PKIB: variants seen among roughly 807,000 people sequenced by gnomAD.
The protein encoded by PKIB is PKI-beta.
PKIB carries 2 observed loss-of-function variants against 4.5 expected under a neutral mutation model. That is an observed-to-expected ratio of 0.44 (90% confidence interval 0.18 to 1.39). PKIB has a LOEUF of 1.39. PKIB is among the 40% of genes most tolerant of loss of function. The probability of loss-of-function intolerance (pLI) is 0.27; values close to 1 mark genes in which losing one functional copy is unlikely to be tolerated. For missense variants in PKIB, 94 were observed against 92.6 expected, an observed-to-expected ratio of 1.02 and a Z score of -0.06; for synonymous variants, 38 against 36.0, an observed-to-expected ratio of 1.06 and a Z score of -0.20.
intron 4 of PKIB, among the ~76,000 whole-genome samples, chr6:122,720,231 G>A (rs1425271407): frequency 6.6e-6 from 1 of 151,982 alleles, no homozygotes; most frequent in African/African-American, 2.4e-5. Context: ...GGAAATCTAG[G>A]ATTTCAAGTG....
At chr6:122,701,558 T>C (rs1778813667) in intron 3 of PKIB, 1 of 1,566,024 alleles carries the variant, frequency 6.4e-7, no homozygotes, top group African/African-American at 1.4e-5. Flanking sequence ...TTAAAAGAGA[T>C]GGCATAACAG....
At chr6:122,489,115 A>G (rs572046750) in intron 2 of PKIB, among the ~76,000 whole-genome samples, 215 of 152,282 alleles carry the variant, frequency 1.4e-3, no homozygotes, top group African/African-American at 4.9e-3. Flanking sequence ...CCTTGGTCCT[A>G]AAGTTTCTAC....
At chr6:122,506,341 A>G (rs1391623670) in intron 2 of PKIB, among the ~76,000 whole-genome samples, 3 of 152,216 alleles carry the variant, frequency 2.0e-5, no homozygotes, top group Non-Finnish European at 4.4e-5. Context: ...AAACTGATAC[A>G]CAAATTGAAG....
chr6:122,522,500 T>A (rs1319764387), intron 2 of PKIB, among the ~76,000 whole-genome samples: 2 of 152,160 alleles, frequency 1.3e-5, no homozygotes, highest in East Asian at 3.8e-4. Flanking sequence ...AGTGTCTCAG[T>A]GTCTGCCCAA....
chr6:122,677,614 A>G (rs969956409), intron 3 of PKIB, among the ~76,000 whole-genome samples: 1 of 152,160 alleles, frequency 6.6e-6, no homozygotes, highest in African/African-American at 2.4e-5. Flanking sequence ...CAAGCCCATA[A>G]ATTTCAGATT....
At chr6:122,666,660 A>C (rs1777230805) in intron 2 of PKIB, among the ~76,000 whole-genome samples, 1 of 152,226 alleles carries the variant, frequency 6.6e-6, no homozygotes, top group Non-Finnish European at 1.5e-5. Flanking sequence ...CAAGGTAGGG[A>C]GTGAACATCT....
rs565254484 is a variant in PKIB, at chr6:122,694,634, G to A, written c.-9+19490G>A. Among the ~76,000 whole-genome samples, 6 of 152,204 alleles carry A rather than the reference G, an allele frequency of 3.9e-5. No homozygotes were observed. The East Asian group carries it at 1.2e-3, about 29-fold the overall frequency. On this transcript the variant is annotated intron_variant, in intron 3 of 4. Coordinates refer to ENST00000368452, the MANE Select transcript of PKIB (RefSeq NM_181795.3). ...TTGTGGAGTGGTGCATAAGAAAAAA[G>A]GGGAATTAATTTACACTGCCTGGTG...
At chr6:122,577,329 A>G (rs73549363) in intron 2 of PKIB, among the ~76,000 whole-genome samples, 206 of 152,324 alleles carry the variant, frequency 1.4e-3, no homozygotes, top group African/African-American at 4.7e-3. Flanking sequence ...AGGGTTGGAG[A>G]AATGCAAAGA....
intron 1 of PKIB, among the ~76,000 whole-genome samples, chr6:122,617,608 A>C (rs79108539): frequency 2.0e-5 from 3 of 152,112 alleles, no homozygotes; most frequent in Non-Finnish European, 2.9e-5. Flanking sequence ...ATTTATCCCA[A>C]CTTGATGAAA....
At chr6:122,581,746 T>C (rs1773710680) in intron 2 of PKIB, 1 of 152,098 alleles carries the variant, frequency 6.6e-6, no homozygotes, top group Non-Finnish European at 1.5e-5. Context: ...TATGATGTCT[T>C]AATCTCCTTT....
intron 2 of PKIB, among the ~76,000 whole-genome samples, chr6:122,656,161 A>G (rs1380547419): frequency 2.0e-5 from 3 of 152,192 alleles, no homozygotes; most frequent in African/African-American, 7.2e-5. Context: ...CTATGCAACT[A>G]TTGTATGCAC....
At chr6:122,622,435 G>A (rs963549602) in intron 1 of PKIB, among the ~76,000 whole-genome samples, 5 of 152,242 alleles carry the variant, frequency 3.3e-5, no homozygotes, top group South Asian at 4.1e-4. Context: ...GTATCCTTTA[G>A]GTAGGAACTA....
At chr6:122,545,631 C>A (rs1772470569) in intron 2 of PKIB, among the ~76,000 whole-genome samples, 1 of 150,646 alleles carries the variant, frequency 6.6e-6, no homozygotes, top group Admixed American at 6.6e-5. Context: ...GTCTGTTGTT[C>A]CCTTCTTTGT....
intron 3 of PKIB, among the ~76,000 whole-genome samples, chr6:122,681,275 G>A (rs1440417935): frequency 6.6e-6 from 1 of 151,766 alleles, no homozygotes; most frequent in African/African-American, 2.4e-5. Flanking sequence ...AAACTGTTTG[G>A]GCAGGCATAT....
At chr6:122,634,672 T>G (rs1023324501) in intron 2 of PKIB, among the ~76,000 whole-genome samples, 1 of 152,206 alleles carries the variant, frequency 6.6e-6, no homozygotes, top group African/African-American at 2.4e-5. Flanking sequence ...CCATTAACCC[T>G]CTGTGATTTC....
intron 3 of PKIB, among the ~76,000 whole-genome samples, chr6:122,593,536 C>T (rs551831330): frequency 4.6e-5 from 7 of 152,188 alleles, no homozygotes; most frequent in African/African-American, 1.2e-4. Flanking sequence ...GACTTTATTA[C>T]GTGAATTCCA....
At chr6:122,562,004 G>GTTTTTTTTTTTTTTTGT (rs1773044665) in intron 2 of PKIB, among the ~76,000 whole-genome samples, 1 of 79,478 alleles carries the variant, frequency 1.3e-5, no homozygotes, top group African/African-American at 5.1e-5. Flanking sequence ...GTTTTTTTTT[G>GTTTTTTTTTTTTTTTGT]TTTTTTTTTT....
intron 2 of PKIB, among the ~76,000 whole-genome samples, chr6:122,548,076 C>T (rs888081956): frequency 6.6e-6 from 1 of 152,138 alleles, no homozygotes; most frequent in African/African-American, 2.4e-5. Flanking sequence ...AAGTTTTGGG[C>T]ATACAGATTT....
At chr6:122,477,750 C>G (rs1245993045) in intron 1 of PKIB, 2 of 152,220 alleles carry the variant, frequency 1.3e-5, no homozygotes, top group Non-Finnish European at 2.9e-5. Context: ...CCTCACTCCA[C>G]TGACTGTATT....
Sources: allele counts gnomAD v4.1 joint callset (sites outside exome capture counted in the v4.1 genomes callset), GRCh38; gene constraint gnomAD v4.1.1; transcripts MANE v1.5; gene names NCBI Gene and HGNC (gene_info 2026-07-23, HGNC 2026-07-21).